ZNF33A: variants seen among roughly 807,000 people sequenced by gnomAD.
ZNF33A encodes brain my041 protein.
ZNF33A carries 9 observed loss-of-function variants against 15.9 expected under a neutral mutation model. The observed-to-expected ratio is 0.57, with a 90% CI of 0.34 to 0.99. ZNF33A has a LOEUF of 0.99. ZNF33A is among the 50% of genes least tolerant of loss of function. The pLI is 0.02. For synonymous variants in ZNF33A, 294 were observed against 324.2 expected (o/e 0.91, Z 1.00); for missense variants, 843 against 941.6 (o/e 0.90, Z 1.37).
At chr10:38,031,403 C>T (rs1002246156) in intron 4 of ZNF33A, among the ~76,000 whole-genome samples, 1 of 151,774 alleles carries the variant, frequency 6.6e-6, no homozygotes, top group African/African-American at 2.4e-5. Flanking sequence ...AAACCCATCT[C>T]TACAAAAAGT....
chr10:38,043,988 G>C (rs919995338), intron 4 of ZNF33A: 1 of 151,470 alleles, frequency 6.6e-6, no homozygotes, highest in Non-Finnish European at 1.5e-5. Context: ...CCATTCATTT[G>C]TTTGAATATT....
chr10:38,020,883 C>T (rs148167292), intron 4 of ZNF33A, among the ~76,000 whole-genome samples: 9,115 of 152,226 alleles, frequency 0.06, 354 homozygotes, highest in Middle Eastern at 0.095. Flanking sequence ...TATGATAGCT[C>T]TATTTTTAGT....
At chr10:38,010,662 C>G, upstream of ZNF33A, 2 of 1,568,970 alleles carry the variant, frequency 1.3e-6, no homozygotes, top group African/African-American at 1.3e-5. Flanking sequence ...CCTCGTCCGC[C>G]GGCTACGTCT....
Position 38,055,250 on chromosome 10 carries a change from C to A in ZNF33A, c.1126C>A (p.Gln376Lys). Residue 376 changes from glutamine (Q) to lysine (K), a missense_variant, in exon 5 of 5, where the codon CAA (glutamine) becomes AAA (lysine). Gln to Lys is a moderately conservative substitution (Grantham distance 53, BLOSUM62 1). Coordinates refer to ENST00000432900, the MANE Select transcript of ZNF33A (RefSeq NM_006954.2). ...FWDKSNLTKH[Q>K]RSHTGEKPFE... ...GGATAAGTCAAACCTCACTAAACAT[C>A]AAAGATCACACACAGGGGAGAAACC... is the stretch of plus-strand genomic sequence containing the variant. 1 of 1,614,122 alleles carries A rather than the reference C, an allele frequency of 6.2e-7. No homozygotes were observed.
At chr10:38,066,984 T>G (rs749815605), downstream of ZNF33A, among the ~76,000 whole-genome samples, 3 of 152,214 alleles carry the variant, frequency 2.0e-5, no homozygotes, top group Non-Finnish European at 4.4e-5. Flanking sequence ...AACGGGACTT[T>G]ATGGCAGCAC....
In ZNF33A at chr10:38,056,479, C is replaced by T. The variant is rs867991788; in HGVS notation, c.2355C>T (p.Phe785=). The T allele has an allele frequency of 6.2e-7, 1 of 1,613,342 alleles. No homozygotes were observed. The highest frequency in any genetic ancestry group is 1.7e-5 in the Admixed American group (1 of 59,942). ...NLMNEMDIRN[F]QPQVSLHNAS... The stretch of plus-strand genomic sequence containing the variant: ...TGAATGAAATGGATATTAGAAATTT[C>T]CAGCCACAAGTCAGCCTCCATAATG... Residue 785 remains phenylalanine, a synonymous_variant, in exon 5 of 5, where the codon TTC becomes TTT. Transcript: ENST00000432900.
intron 2 of ZNF33A, among the ~76,000 whole-genome samples, chr10:38,014,953 A>T (rs570551741): frequency 1.3e-5 from 2 of 151,548 alleles, no homozygotes; most frequent in Admixed American, 1.3e-4. Flanking sequence ...AGCTTATGCA[A>T]CCTCCACCTC....
At chr10:38,039,953 T>G (rs1430590794) in intron 4 of ZNF33A, among the ~76,000 whole-genome samples, 1 of 151,772 alleles carries the variant, frequency 6.6e-6, no homozygotes, top group Non-Finnish European at 1.5e-5. Flanking sequence ...TGTTTTAAGG[T>G]GGAAAATTAG....
downstream of ZNF33A, among the ~76,000 whole-genome samples, chr10:38,066,288 T>G (rs959049421): frequency 3.3e-5 from 5 of 152,038 alleles, no homozygotes; most frequent in African/African-American, 7.2e-5. Flanking sequence ...ATTTATTTAT[T>G]TATTTATTGA....
intron 2 of ZNF33A, among the ~76,000 whole-genome samples, chr10:38,013,435 A>T (rs189485550): frequency 1.8e-4 from 27 of 149,462 alleles, no homozygotes; most frequent in African/African-American, 3.9e-4. Flanking sequence ...TTTTATTATT[A>T]TTATTTTTTT....
chr10:38,014,650 T>A (rs1420894314), intron 2 of ZNF33A, among the ~76,000 whole-genome samples: 2 of 152,222 alleles, frequency 1.3e-5, no homozygotes, highest in Non-Finnish European at 2.9e-5. Flanking sequence ...CAATTATGTG[T>A]ACATATATGT....
Position 38,059,477 on chromosome 10 carries a change from AC to A in ZNF33A, c.*2918del, listed in dbSNP as rs2066613450. The A allele has an allele frequency of 1.3e-5, 2 of 152,368 alleles. No homozygotes were observed. The highest frequency in any genetic ancestry group is 4.1e-4 in the South Asian group (2 of 4,832). 9.4% of individuals were successfully genotyped at this position (152,368 alleles called of 1,614,324 possible). A position where few individuals can be genotyped will look rare whatever the true frequency, so the allele number is the denominator to read the frequency against. On this transcript the variant is annotated 3_prime_UTR_variant, in exon 5 of 5. Transcript: ENST00000432900. ...ATTCTAAATAACAAAAACCCTGCTG[AC>A]ATTAATAAGCAATTACAGCAGGATT...
intron 4 of ZNF33A, among the ~76,000 whole-genome samples, chr10:38,023,409 C>T (rs984677387): frequency 1.6e-4 from 24 of 152,086 alleles, no homozygotes; most frequent in African/African-American, 5.8e-4. Context: ...AAAGTATACA[C>T]CATAATAACC....
chr10:38,057,378 C>A lies in ZNF33A; in HGVS notation c.*818C>A. ...ATAAATTGAATAATCAGGGCAATAG[C>A]ATTAAGCACATCTGCGAATTATCCC... On this transcript the variant is annotated 3_prime_UTR_variant, in exon 5 of 5. Transcript: ENST00000432900. 1.0e-6 allele frequency: 1 copy of A among 985,364 alleles called. No individual in the cohort carries two copies. Among genetic ancestry groups the A allele is most frequent in the Non-Finnish European group, 1.2e-6 (1 of 829,924 alleles). 61.0% of individuals were successfully genotyped at this position (985,364 alleles called of 1,614,324 possible).
intron 4 of ZNF33A, among the ~76,000 whole-genome samples, chr10:38,043,389 C>G (rs1462997251): frequency 6.6e-6 from 1 of 151,258 alleles, no homozygotes; most frequent in Admixed American, 6.6e-5. Context: ...GGAGATATAC[C>G]TAATGCTAAA....
intron 4 of ZNF33A, among the ~76,000 whole-genome samples, chr10:38,021,579 G>T (rs1419696265): frequency 6.6e-6 from 1 of 152,126 alleles, no homozygotes; most frequent in African/African-American, 2.4e-5. Context: ...GGCGAAGGTT[G>T]CAGTGAGCCA....
At chr10:38,025,827 C>T (rs2064963046) in intron 4 of ZNF33A, among the ~76,000 whole-genome samples, 1 of 152,178 alleles carries the variant, frequency 6.6e-6, no homozygotes, top group Admixed American at 6.5e-5. Context: ...TTTTAACAGT[C>T]CAGTGGCATT....
chr10:38,016,370 C>T lies in ZNF33A; in HGVS notation c.10-501C>T, dbSNP rs142963925. 3.7e-3 allele frequency among the ~76,000 whole-genome samples: 566 copies of T among 152,252 alleles called. 5 individuals carry two copies. Among genetic ancestry groups the T allele is most frequent in the African/African-American group, 0.013 (538 of 41,544 alleles). On this transcript the variant is annotated intron_variant, in intron 2 of 4. Coordinates refer to ENST00000432900, the MANE Select transcript of ZNF33A (RefSeq NM_006954.2). ...TTTTTTTCTCAAGACAGCACCAGGC[C>T]ATCTCCTGTGCTGTCTGCCATTTTG...
rs2066636829 is a variant in ZNF33A at position 38,060,082 on chromosome 10, TA to T, written c.*3524del. The T allele has an allele frequency of 9.1e-6, 9 of 985,306 alleles. No individual in the cohort carries two copies. The allele number at this position is 985,306 out of a possible 1,614,324, so 61.0% of individuals were successfully genotyped here. ...CCTGAGGAACATCTTGTTTCTGTAC[TA>T]AGGTGTTCTTTTGTTAGTTGTATGT... is the stretch of plus-strand genomic sequence containing the variant. On this transcript the variant is annotated 3_prime_UTR_variant, in exon 5 of 5. Coordinates refer to ENST00000432900, the MANE Select transcript of ZNF33A (RefSeq NM_006954.2).
Sources: gnomAD v4.1 joint callset for allele counts (sites outside exome capture counted in the v4.1 genomes callset) on GRCh38, gnomAD v4.1.1 for gene constraint, MANE v1.5 for transcripts, NCBI Gene and HGNC (gene_info 2026-07-23, HGNC 2026-07-21) for gene names.